The following LHFPL3 variants were observed in gnomAD, a reference collection of about 807,000 sequenced individuals.
LHFPL3 encodes the protein LHFPL tetraspan subfamily member 3.
A neutral mutation model predicts 19.3 loss-of-function variants in LHFPL3; 5 were observed. The observed-to-expected ratio is 0.26, with a 90% CI of 0.14 to 0.54. The LOEUF (loss-of-function observed/expected upper bound fraction) is 0.54. LHFPL3 is among the 20% of genes least tolerant of loss of function. The probability of loss-of-function intolerance (pLI) is 0.94; values close to 1 mark genes in which losing one functional copy is unlikely to be tolerated. For synonymous variants in LHFPL3, 133 were observed against 126.2 expected, an observed-to-expected ratio of 1.05 and a Z score of -0.36; for missense variants, 249 against 307.4, an observed-to-expected ratio of 0.81 and a Z score of 1.42.
intron 1 of LHFPL3, among the ~76,000 whole-genome samples, chr7:104,439,108 C>A (rs1792168448): frequency 6.6e-6 from 1 of 152,138 alleles, no homozygotes; most frequent in Non-Finnish European, 1.5e-5. Flanking sequence ...AATTCCCTTA[C>A]AGAACAAACT....
chr7:104,374,066 T>C (rs2116437298), intron 1 of LHFPL3, among the ~76,000 whole-genome samples: 1 of 152,260 alleles, frequency 6.6e-6, no homozygotes, highest in Middle Eastern at 3.4e-3. Flanking sequence ...TTGTAGGGCA[T>C]GACTCCTCAG....
At chr7:104,547,689 A>T (rs1213045793) in intron 1 of LHFPL3, among the ~76,000 whole-genome samples, 1 of 152,168 alleles carries the variant, frequency 6.6e-6, no homozygotes, top group Non-Finnish European at 1.5e-5. Context: ...GAAAACTTCC[A>T]GACAGCACAT....
chr7:104,329,564 G>C (rs115611723), intron 1 of LHFPL3, among the ~76,000 whole-genome samples: 1 of 152,218 alleles, frequency 6.6e-6, no homozygotes, highest in Admixed American at 6.5e-5. Context: ...AGATGGGGCC[G>C]GGGTTCCGTG....
intron 1 of LHFPL3, among the ~76,000 whole-genome samples, chr7:104,675,981 G>T (rs1792582951): frequency 6.6e-6 from 1 of 152,166 alleles, no homozygotes; most frequent in African/African-American, 2.4e-5. Flanking sequence ...TTAAAGCCTG[G>T]GACCAGATGA....
rs565587517 is a variant in LHFPL3, at chr7:104,391,940, T to A, written c.445+62716T>A. On this transcript the variant is annotated intron_variant, in intron 1 of 2. Transcript: ENST00000424859. ...GGATTCCTAGGTATTTTATTCTTTT[T>A]GAAGCAATTGTGAATGGGAGTTCAC... 3.9e-5 allele frequency among the ~76,000 whole-genome samples: 6 copies of A among 152,338 alleles called. No individual in the cohort carries two copies. In the East Asian group the frequency reaches 1.2e-3, roughly 29 times the overall value.
intron 2 of LHFPL3, among the ~76,000 whole-genome samples, chr7:104,763,535 T>C (rs1278820557): frequency 1.3e-5 from 2 of 152,238 alleles, no homozygotes; most frequent in African/African-American, 4.8e-5. Context: ...GTGCAGCCTC[T>C]GCACACCACT....
chr7:104,777,091 A>G (rs1251942886), intron 2 of LHFPL3, among the ~76,000 whole-genome samples: 1 of 152,220 alleles, frequency 6.6e-6, no homozygotes, highest in Non-Finnish European at 1.5e-5. Flanking sequence ...AACACAGGAA[A>G]GAGATGCAGG....
chr7:104,678,336 C>A (rs576985427), intron 1 of LHFPL3, among the ~76,000 whole-genome samples: 1 of 152,266 alleles, frequency 6.6e-6, no homozygotes, highest in Admixed American at 6.5e-5. Flanking sequence ...GTAAACAGCA[C>A]CCCTTACCAA....
chr7:104,554,675 A>ATAGATAGATAGT lies in LHFPL3; in HGVS notation c.446-181989_446-181988insTTAGATAGATAG, dbSNP rs1227302985. 9.4e-3 allele frequency among the ~76,000 whole-genome samples: 1,425 copies of ATAGATAGATAGT among 151,274 alleles called. 14 individuals carry two copies. Among genetic ancestry groups the ATAGATAGATAGT allele is most frequent in the East Asian group, 0.043 (222 of 5,130 alleles). ...GATAGATAGATAGATAGATAGATAG[A>ATAGATAGATAGT]TAGATAGATAGATAGACAGACAGAT... On this transcript the variant is annotated intron_variant, in intron 1 of 2. Transcript: ENST00000424859.
intron 1 of LHFPL3, among the ~76,000 whole-genome samples, chr7:104,438,686 A>C (rs1039355321): frequency 1.3e-5 from 2 of 152,160 alleles, no homozygotes; most frequent in African/African-American, 4.8e-5. Context: ...TTCCTTGTCA[A>C]GAAGGTAAAA....
intron 2 of LHFPL3, among the ~76,000 whole-genome samples, chr7:104,813,259 CAG>C (rs1443626945): frequency 6.5e-5 from 9 of 138,628 alleles, no homozygotes; most frequent in Non-Finnish European, 1.2e-4. Context: ...GCCTGGGAAA[CAG>C]AGTGAGATCC....
At chr7:104,861,550 G>C (rs1199046813) in intron 2 of LHFPL3, among the ~76,000 whole-genome samples, 1 of 152,166 alleles carries the variant, frequency 6.6e-6, no homozygotes, top group Non-Finnish European at 1.5e-5. Flanking sequence ...AACAGAGAGA[G>C]CTGTTATCTA....
chr7:104,728,150 A>T (rs998650369), intron 1 of LHFPL3, among the ~76,000 whole-genome samples: 3 of 152,160 alleles, frequency 2.0e-5, no homozygotes, highest in African/African-American at 7.2e-5. Flanking sequence ...ACTAAAGCAG[A>T]GTTCTCCCAG....
At chr7:104,504,496 T>C (rs889464772) in intron 1 of LHFPL3, among the ~76,000 whole-genome samples, 11 of 152,248 alleles carry the variant, frequency 7.2e-5, no homozygotes, top group Admixed American at 3.3e-4. Flanking sequence ...TTCTCAAAAA[T>C]ATCAATGTTA....
rs183101525 is a variant in LHFPL3 at position 104,466,027 on chromosome 7, G to T, written c.445+136803G>T. 1.6e-3 allele frequency among the ~76,000 whole-genome samples: 245 copies of T among 152,316 alleles called. 1 individual carries two copies. The highest frequency in any genetic ancestry group is 5.6e-3 in the African/African-American group (231 of 41,586). ...AGTCTGTGCCATGTGGCGAAGAGAA[G>T]AATATATATTATGTTGTTTTTGGGT... On this transcript the variant is annotated intron_variant, in intron 1 of 2. Coordinates refer to ENST00000424859, the MANE Select transcript of LHFPL3 (RefSeq NM_199000.3).
chr7:104,769,853 TAA>T (rs66697752), intron 2 of LHFPL3, among the ~76,000 whole-genome samples: 1 of 151,898 alleles, frequency 6.6e-6, no homozygotes, highest in Non-Finnish European at 1.5e-5. Flanking sequence ...TATGCAGCCA[TAA>T]AAAAAGGATG....
Position 104,328,886 on chromosome 7 carries a change from TC to T in LHFPL3, c.108del (p.Ile36MetfsTer26). The T allele has an allele frequency of 6.2e-7, 1 of 1,614,170 alleles. No individual in the cohort carries two copies. Among genetic ancestry groups the T allele is most frequent in the Non-Finnish European group, 8.5e-7 (1 of 1,180,028 alleles). On this transcript the variant is annotated frameshift_variant, in exon 1 of 3. Transcript: ENST00000424859. LOFTEE classifies it high-confidence loss of function. The surrounding 1 kb of genome is among the most constrained non-coding windows in gnomAD (Gnocchi z 4.6). Reference protein sequence around the residue: ...HTNYVRNSRAIGVLWAIFTIC... With the variant: ...HTNYVRNSRAXGVLWAIFTIC... ...AACTATGTGCGGAACTCGCGGGCCA[TC>T]GGCGTGCTGTGGGCCATCTTCACCA...
At chr7:104,490,662 C>T (rs1793325056) in intron 1 of LHFPL3, among the ~76,000 whole-genome samples, 1 of 152,130 alleles carries the variant, frequency 6.6e-6, no homozygotes, top group African/African-American at 2.4e-5. Flanking sequence ...CGGATATCAA[C>T]TAAACCCCCA....
At chr7:104,901,504 T>C (rs1338115848) in intron 2 of LHFPL3, among the ~76,000 whole-genome samples, 1 of 152,158 alleles carries the variant, frequency 6.6e-6, no homozygotes, top group Non-Finnish European at 1.5e-5. Flanking sequence ...CATGCACTCA[T>C]GGGCAAGGCT....
Sources: allele counts gnomAD v4.1 joint callset (sites outside exome capture counted in the v4.1 genomes callset), GRCh38; gene constraint gnomAD v4.1.1; non-coding constraint Gnocchi (gnomAD v3.1); transcripts MANE v1.5; gene names NCBI Gene and HGNC (gene_info 2026-07-23, HGNC 2026-07-21).